SEC61A2: variants seen among roughly 807,000 people sequenced by gnomAD.
SEC61A2 encodes SEC61 translocon subunit alpha 2.
SEC61A2 carries 28 observed loss-of-function variants against 59.9 expected under a neutral mutation model. The observed-to-expected ratio is 0.47, with a 90% confidence interval of 0.35 to 0.64. SEC61A2 has a LOEUF of 0.64. Among genes scored for constraint, SEC61A2 ranks in the 30% least tolerant of loss-of-function variants. The pLI is 0.01. For missense variants in SEC61A2, 340 were observed against 585.9 expected, an observed-to-expected ratio of 0.58 and a Z score of 4.33; for synonymous variants, 202 against 214.4, an observed-to-expected ratio of 0.94 and a Z score of 0.50.
At chr10:12,157,597 G>A (rs1834429806) in intron 8 of SEC61A2, among the ~76,000 whole-genome samples, 1 of 150,968 alleles carries the variant, frequency 6.6e-6, no homozygotes, top group Non-Finnish European at 1.5e-5. Flanking sequence ...CCGCCTCCTG[G>A]GTTCAAGCGA....
Position 12,165,032 on chromosome 10 carries a change from T to C in SEC61A2, c.*578T>C. On this transcript the variant is annotated 3_prime_UTR_variant, in exon 12 of 12. Coordinates refer to ENST00000298428, the MANE Select transcript of SEC61A2 (RefSeq NM_018144.4). ...TCCAGTTATTTCTGCCACAACTGCTTCTAAGGCCTCCTCCTTCTCCTCCTC... is the reference window on the plus strand; with the variant it reads ...TCCAGTTATTTCTGCCACAACTGCTCCTAAGGCCTCCTCCTTCTCCTCCTC... The C allele has an allele frequency of 2.0e-6, 2 of 986,774 alleles. No homozygotes were observed. Among genetic ancestry groups the C allele is most frequent in the Non-Finnish European group, 2.4e-6 (2 of 830,498 alleles). The allele number at this position is 986,774 out of a possible 1,614,324, so 61.1% of individuals were successfully genotyped here. A position where few individuals can be genotyped will look rare whatever the true frequency, so the allele number is the denominator to read the frequency against.
In SEC61A2 at chr10:12,165,288, G is replaced by A; in HGVS notation, c.*834G>A. 2 of 985,346 alleles carry A rather than the reference G, an allele frequency of 2.0e-6. No individual in the cohort carries two copies. Among genetic ancestry groups the A allele is most frequent in the Non-Finnish European group, 2.4e-6 (2 of 829,898 alleles). The allele number at this position is 985,346 out of a possible 1,614,324, so 61.0% of individuals were successfully genotyped here. A position where few individuals can be genotyped will look rare whatever the true frequency, so the allele number is the denominator to read the frequency against. On this transcript the variant is annotated 3_prime_UTR_variant, in exon 12 of 12. Transcript: ENST00000298428. ...TGAACAATGAATATATTCATGCTAGGAATTTGTGTCTGTTGTTGTACTCAC... is the reference window on the plus strand; with the variant it reads ...TGAACAATGAATATATTCATGCTAGAAATTTGTGTCTGTTGTTGTACTCAC...
intron 8 of SEC61A2, among the ~76,000 whole-genome samples, chr10:12,157,694 G>A: frequency 6.6e-6 from 1 of 152,000 alleles, no homozygotes; most frequent in East Asian, 1.9e-4. Context: ...GTAGAGATGA[G>A]ATTTCACCAC....
chr10:12,141,973 C>T (rs1427910498), intron 3 of SEC61A2, among the ~76,000 whole-genome samples: 4 of 152,166 alleles, frequency 2.6e-5, no homozygotes, highest in African/African-American at 9.7e-5. Flanking sequence ...TAGTTTGGGG[C>T]AGCAGTAAGA....
chr10:12,131,682 CTTTTTTTTTTTTTTT>C (rs1199525836), intron 1 of SEC61A2, among the ~76,000 whole-genome samples: 16 of 46,538 alleles, frequency 3.4e-4, no homozygotes, highest in Non-Finnish European at 5.3e-4. Context: ...GATTACATAC[CTTTTTTTTTTTTTTT>C]TTTTTTTTTT....
downstream of SEC61A2, among the ~76,000 whole-genome samples, chr10:12,168,053 C>CT (rs956205543): frequency 1.3e-5 from 2 of 149,180 alleles, no homozygotes; most frequent in Admixed American, 1.3e-4. This position sits in a 1 kb window ranked among gnomAD's most constrained non-coding sequence, Gnocchi z 4.8. Flanking sequence ...GTGAGACAGT[C>CT]TCGCTCTGTT....
rs1458539374 is a variant in SEC61A2, at chr10:12,154,235, T to TA, written c.463-1542dup. On this transcript the variant is annotated intron_variant, in intron 6 of 11. Coordinates refer to ENST00000298428, the MANE Select transcript of SEC61A2 (RefSeq NM_018144.4). The surrounding 1 kb of genome is among the most constrained non-coding windows in gnomAD (Gnocchi z 5.2). ...ATTTACTGGCTTTTATTCCCTTAAT[T>TA]ATAGAAACCGTTTCTCATTTCTGTA... Among the ~76,000 whole-genome samples, 1 of 152,204 alleles carries TA rather than the reference T, an allele frequency of 6.6e-6. No individual in the cohort carries two copies. Among genetic ancestry groups the TA allele is most frequent in the African/African-American group, 2.4e-5 (1 of 41,458 alleles).
At chr10:12,136,003 C>T in intron 2 of SEC61A2, 102 bp from the exon 3 acceptor site, 1 of 761,510 alleles carries the variant, frequency 1.3e-6, no homozygotes, top group Non-Finnish European at 2.4e-6. Flanking sequence ...TTCCCAATTT[C>T]TGTGAATTAG....
chr10:12,136,871 C>G (rs1373295211), intron 3 of SEC61A2, among the ~76,000 whole-genome samples: 2 of 152,130 alleles, frequency 1.3e-5, no homozygotes, highest in Non-Finnish European at 2.9e-5. Flanking sequence ...CTCAAGCTAT[C>G]CACCTTCTTC....
intron 3 of SEC61A2, among the ~76,000 whole-genome samples, chr10:12,137,495 A>G (rs1418114825): frequency 6.7e-6 from 1 of 148,538 alleles, no homozygotes; most frequent in Non-Finnish European, 1.5e-5. Flanking sequence ...TGTAGAGATG[A>G]GGTTTTGCCA....
rs1399470039 is a variant in SEC61A2, at chr10:12,160,142, T to C, written c.976-788T>C. 6.6e-6 allele frequency among the ~76,000 whole-genome samples: 1 copy of C among 152,214 alleles called. No individual in the cohort carries two copies. Among genetic ancestry groups the C allele is most frequent in the Non-Finnish European group, 1.5e-5 (1 of 68,038 alleles). The stretch of plus-strand genomic sequence containing the variant: ...TATTACTCTGATCAGAATGTCATAG[T>C]GATAGTGCTTTGAGTAGTTGGTCCT... On this transcript the variant is annotated intron_variant, in intron 9 of 11. Transcript: ENST00000298428. This position sits in a 1 kb window ranked among gnomAD's most constrained non-coding sequence, Gnocchi z 4.1.
intron 11 of SEC61A2, among the ~76,000 whole-genome samples, chr10:12,163,510 A>G (rs537212365): frequency 2.0e-5 from 3 of 151,686 alleles, no homozygotes; most frequent in African/African-American, 4.8e-5. Context: ...TTTTTAGTAG[A>G]GATGGGTTTC....
intron 3 of SEC61A2, among the ~76,000 whole-genome samples, chr10:12,141,181 T>G (rs1281737437): frequency 6.6e-6 from 1 of 152,224 alleles, no homozygotes; most frequent in Non-Finnish European, 1.5e-5. Context: ...GTTACAGGCC[T>G]GAGCCATCGT....
Position 12,149,754 on chromosome 10 carries a change from T to A in SEC61A2, c.352+28T>A. ...GAGCATTAATGCAATTAAAGAGCAT[T>A]CTCCAAATTTGAGAGTGCTCGTGGT... On this transcript the variant is annotated intron_variant, in intron 5 of 11. Coordinates refer to ENST00000298428, the MANE Select transcript of SEC61A2 (RefSeq NM_018144.4). This position sits in a 1 kb window ranked among gnomAD's most constrained non-coding sequence, Gnocchi z 5.2. The A allele has an allele frequency of 6.2e-7, 1 of 1,605,972 alleles. No homozygotes were observed. Among genetic ancestry groups the A allele is most frequent in the Non-Finnish European group, 8.5e-7 (1 of 1,175,794 alleles).
downstream of SEC61A2, among the ~76,000 whole-genome samples, chr10:12,168,788 G>A (rs1258025799): frequency 1.3e-5 from 2 of 151,878 alleles, no homozygotes; most frequent in Admixed American, 6.6e-5. This position sits in a 1 kb window ranked among gnomAD's most constrained non-coding sequence, Gnocchi z 4.8. Flanking sequence ...TTTTGAGATG[G>A]AGTCTCACTT....
chr10:12,131,835 G>T (rs111728022), intron 1 of SEC61A2, among the ~76,000 whole-genome samples: 2 of 126,978 alleles, frequency 1.6e-5, no homozygotes, highest in Admixed American at 1.7e-4. Flanking sequence ...GGACTACAGG[G>T]GCCCGCCACC....
chr10:12,130,102 T>A, intron 1 of SEC61A2, among the ~76,000 whole-genome samples: 1 of 152,202 alleles, frequency 6.6e-6, no homozygotes, highest in East Asian at 1.9e-4. Context: ...GACCACTTTT[T>A]AATTTTTCAG....
rs190934111 is a variant in SEC61A2 at position 12,158,715 on chromosome 10, A to G, written c.975+610A>G. 6.6e-6 allele frequency among the ~76,000 whole-genome samples: 1 copy of G among 152,124 alleles called. No homozygotes were observed. The highest frequency in any genetic ancestry group is 1.9e-4 in the East Asian group (1 of 5,142). ...ACTGCACTCCAGCCTGGGCGACAGA[A>G]CGAGACTCCGTCTCCAAAAAATAAA... On this transcript the variant is annotated intron_variant, in intron 9 of 11. Transcript: ENST00000298428. This position sits in a 1 kb window ranked among gnomAD's most constrained non-coding sequence, Gnocchi z 5.7.
intron 1 of SEC61A2, among the ~76,000 whole-genome samples, chr10:12,132,329 A>AG (rs1439520494): frequency 2.7e-5 from 4 of 149,932 alleles, no homozygotes; most frequent in Non-Finnish European, 5.9e-5. Flanking sequence ...AGTTAACTAT[A>AG]GGGGCCAGGT....
Sources: gnomAD v4.1 joint callset for allele counts (sites outside exome capture counted in the v4.1 genomes callset) on GRCh38, gnomAD v4.1.1 for gene constraint, Gnocchi (gnomAD v3.1) non-coding constraint, MANE v1.5 for transcripts, NCBI Gene and HGNC (gene_info 2026-07-23, HGNC 2026-07-21) for gene names.